CNIH3: variants seen among roughly 807,000 people sequenced by gnomAD.
CNIH3 encodes cornichon family AMPA receptor auxiliary protein 3, also known as protein cornichon homolog 3.
In CNIH3, 14 loss-of-function variants were observed where a neutral mutation model predicts 24.1. That is an observed-to-expected ratio of 0.58 (90% CI 0.38 to 0.91). The LOEUF is 0.91. Ranked by LOEUF, CNIH3 falls within the 40% of genes least tolerant of loss-of-function variation. The pLI is 0.00. For synonymous variants in CNIH3, 68 were observed against 73.8 expected (o/e 0.92, Z 0.40); for missense variants, 178 against 196.8 (o/e 0.90, Z 0.57).
intron 1 of CNIH3, among the ~76,000 whole-genome samples, chr1:224,453,029 G>A: frequency 6.6e-6 from 1 of 151,166 alleles, no homozygotes; most frequent in East Asian, 2.0e-4. Flanking sequence ...GCTGAGGCAG[G>A]AGAATCACTT....
intron 3 of CNIH3, among the ~76,000 whole-genome samples, chr1:224,595,424 C>A (rs368529058): frequency 2.0e-5 from 3 of 152,186 alleles, no homozygotes; most frequent in African/African-American, 7.2e-5. Context: ...CAAAGTTGAT[C>A]AATAAATGTT....
chr1:224,720,571 C>T (rs765843576), intron 3 of CNIH3, among the ~76,000 whole-genome samples: 2 of 152,064 alleles, frequency 1.3e-5, no homozygotes, highest in African/African-American at 2.4e-5. Flanking sequence ...GAGAGGAGGG[C>T]GGAGCTCTCA....
chr1:224,604,400 G>A lies in CNIH3; in HGVS notation n.402+38136G>A, dbSNP rs1486355045. ...TTTTTGAAGAGATTCTGTCTCTGAC[G>A]GGGAGGGGTGGGAGAGAAGAGATAA... On this transcript the variant is annotated intron_variant and non_coding_transcript_variant, in intron 3 of 7. Coordinates refer to the CNIH3 transcript ENST00000478120. This position sits in a 1 kb window ranked among gnomAD's most constrained non-coding sequence, Gnocchi z 4.4. Among the ~76,000 whole-genome samples, 1 of 152,210 alleles carries A rather than the reference G, an allele frequency of 6.6e-6. No individual in the cohort carries two copies. Among genetic ancestry groups the A allele is most frequent in the African/African-American group, 2.4e-5 (1 of 41,458 alleles).
intron 3 of CNIH3, among the ~76,000 whole-genome samples, chr1:224,688,811 G>A (rs1490192164): frequency 1.3e-5 from 2 of 151,564 alleles, no homozygotes; most frequent in Non-Finnish European, 2.9e-5. Context: ...TGTAATCCCA[G>A]CTACTCGGGA....
At chr1:224,611,723 T>C (rs1269631902), upstream of CNIH3, 1 of 152,158 alleles carries the variant, frequency 6.6e-6, no homozygotes, top group Non-Finnish European at 1.5e-5. Context: ...GAGAAAACAA[T>C]GTAGGTTGGT....
chr1:224,673,125 T>A (rs543638925), intron 1 of CNIH3, among the ~76,000 whole-genome samples: 1 of 152,338 alleles, frequency 6.6e-6, no homozygotes, highest in South Asian at 2.1e-4. Context: ...TGTTCCTCAG[T>A]CTGCACAACT....
At chr1:224,490,609 G>T (rs772833410) in intron 1 of CNIH3, among the ~76,000 whole-genome samples, 6 of 152,128 alleles carry the variant, frequency 3.9e-5, no homozygotes, top group African/African-American at 7.2e-5. Context: ...ATGTATAAGA[G>T]ATGTTAATAC....
chr1:224,661,661 T>C (rs1207362999), intron 1 of CNIH3: 3 of 250,788 alleles, frequency 1.2e-5, no homozygotes, highest in Non-Finnish European at 2.4e-5. Flanking sequence ...CGCCACGTCC[T>C]CTACCATTTA....
chr1:224,694,911 A>G (rs968808374), intron 3 of CNIH3, among the ~76,000 whole-genome samples: 1 of 152,066 alleles, frequency 6.6e-6, no homozygotes. Context: ...CATAAAAATG[A>G]TATAACGGGC....
chr1:224,663,669 G>C (rs1457079377), intron 1 of CNIH3, among the ~76,000 whole-genome samples: 1 of 152,178 alleles, frequency 6.6e-6, no homozygotes, highest in Non-Finnish European at 1.5e-5. Context: ...CCTGCAAATG[G>C]AAATTTCTTT....
At chr1:224,447,656 G>A (rs1244317616) in intron 1 of CNIH3, among the ~76,000 whole-genome samples, 3 of 152,208 alleles carry the variant, frequency 2.0e-5, no homozygotes, top group African/African-American at 7.2e-5. Context: ...ATTACAAAGA[G>A]GGCATTGTCC....
chr1:224,528,413 T>C (rs1373974333), intron 2 of CNIH3, among the ~76,000 whole-genome samples: 1 of 152,216 alleles, frequency 6.6e-6, no homozygotes, highest in East Asian at 1.9e-4. Flanking sequence ...CTTAACCTCC[T>C]GAGCTCAAAG....
chr1:224,487,022 C>T (rs1209002137), intron 1 of CNIH3, among the ~76,000 whole-genome samples: 2 of 152,184 alleles, frequency 1.3e-5, no homozygotes, highest in Non-Finnish European at 2.9e-5. Context: ...AATGTCACAT[C>T]CTAGACCCAG....
At chr1:224,493,107 G>C (rs901881402) in intron 1 of CNIH3, among the ~76,000 whole-genome samples, 1 of 152,140 alleles carries the variant, frequency 6.6e-6, no homozygotes, top group African/African-American at 2.4e-5. Flanking sequence ...TTTGTCACCA[G>C]TTGACAAAGG....
At chr1:224,636,749 T>G (rs1684102981) in intron 1 of CNIH3, among the ~76,000 whole-genome samples, 1 of 152,316 alleles carries the variant, frequency 6.6e-6, no homozygotes, top group South Asian at 2.1e-4. Flanking sequence ...CTGGATGGGC[T>G]GAAGGAGAAA....
chr1:224,439,421 C>A (rs1286869921), intron 1 of CNIH3, among the ~76,000 whole-genome samples: 1 of 152,018 alleles, frequency 6.6e-6, no homozygotes, highest in Admixed American at 6.6e-5. Flanking sequence ...AACAATGTTG[C>A]AGGAAATTTC....
intron 3 of CNIH3, among the ~76,000 whole-genome samples, chr1:224,724,619 C>T (rs1392710804): frequency 3.3e-5 from 5 of 152,186 alleles, no homozygotes; most frequent in East Asian, 1.9e-4. Flanking sequence ...TTTCTCCACA[C>T]TCTTTGGCTC....
intron 1 of CNIH3, among the ~76,000 whole-genome samples, chr1:224,628,095 C>G (rs1380871094): frequency 6.6e-6 from 1 of 151,990 alleles, no homozygotes; most frequent in African/African-American, 2.4e-5. Context: ...TAGTCTAGCC[C>G]AGATCTAGAC....
chr1:224,471,310 G>A (rs550607724), intron 1 of CNIH3, among the ~76,000 whole-genome samples: 160 of 152,242 alleles, frequency 1.1e-3, no homozygotes, highest in Non-Finnish European at 1.6e-3. Flanking sequence ...GATTCCAGGC[G>A]TGAACCACAG....
Sources: allele counts gnomAD v4.1 joint callset (sites outside exome capture counted in the v4.1 genomes callset), GRCh38; gene constraint gnomAD v4.1.1; non-coding constraint Gnocchi (gnomAD v3.1); transcripts MANE v1.5; gene names NCBI Gene and HGNC (gene_info 2026-07-23, HGNC 2026-07-21).